CNTN4: variants seen among roughly 807,000 people sequenced by gnomAD.
CNTN4 encodes the protein contactin 4, also known as contactin-4.
Under a neutral mutation model 122.5 loss-of-function variants are expected in CNTN4, and 77 were observed. The ratio of observed to expected loss-of-function variants is 0.63; its 90% CI spans 0.52 to 0.76. The LOEUF (loss-of-function observed/expected upper bound fraction) is 0.76, where lower values mean the gene tolerates loss of function less well. Among genes scored for constraint, CNTN4 ranks in the 30% least tolerant of loss-of-function variants. CNTN4 has a pLI of 0.00. For missense variants in CNTN4, 1,256 were observed against 1,259.1 expected, an observed-to-expected ratio of 1.00 and a Z score of 0.04; for synonymous variants, 512 against 447.0, an observed-to-expected ratio of 1.15 and a Z score of -1.83.
intron 2 of CNTN4, among the ~76,000 whole-genome samples, chr3:2,327,846 G>A (rs1156234917): frequency 6.6e-6 from 1 of 152,084 alleles, no homozygotes; most frequent in Non-Finnish European, 1.5e-5. Context: ...CAGTGTTCAG[G>A]ACTCATTACC....
At chr3:2,392,190 A>G (rs756601703) in intron 3 of CNTN4, among the ~76,000 whole-genome samples, 1 of 152,176 alleles carries the variant, frequency 6.6e-6, no homozygotes, top group Non-Finnish European at 1.5e-5. Context: ...AGGAAAAGTT[A>G]GTGTCAAGAA....
At chr3:2,737,924 T>A (rs4685544) in intron 5 of CNTN4, among the ~76,000 whole-genome samples, 88,064 of 151,724 alleles carry the variant, frequency 0.58, 28,441 homozygotes, top group Non-Finnish European at 0.74. Flanking sequence ...GCAGATGAAA[T>A]ACAACCGAAA....
At chr3:2,615,791 A>G (rs1559307672) in intron 4 of CNTN4, among the ~76,000 whole-genome samples, 1 of 152,152 alleles carries the variant, frequency 6.6e-6, no homozygotes, top group Non-Finnish European at 1.5e-5. Flanking sequence ...GAGGCTAGAT[A>G]TACCTAGCCT....
At chr3:2,921,509 T>A (rs2094429823) in intron 12 of CNTN4, among the ~76,000 whole-genome samples, 1 of 152,250 alleles carries the variant, frequency 6.6e-6, no homozygotes, top group African/African-American at 2.4e-5. Flanking sequence ...TTTGAATTAA[T>A]GCATTTACTC....
chr3:2,650,635 C>T (rs1357052565), intron 4 of CNTN4, among the ~76,000 whole-genome samples: 1 of 152,204 alleles, frequency 6.6e-6, no homozygotes, highest in Non-Finnish European at 1.5e-5. Context: ...CCTTCAGCAA[C>T]ATCCACCCTG....
In CNTN4 at chr3:3,037,311, G is replaced by A. The variant is rs548348880; in HGVS notation, c.2075G>A (p.Arg692Gln). Residue 692 changes from arginine to glutamine, a missense_variant, in exon 18 of 25, where the codon CGG becomes CAG. Physicochemically the swap from Arg to Gln is conservative, Grantham distance 43. Transcript: ENST00000418658. ...IGEPSRPSEKRRTEEALPEVT... is the reference protein window; with the variant it reads ...IGEPSRPSEKQRTEEALPEVT... ...GAGCCCAGCCGCCCCTCAGAGAAAC[G>A]GAGAACAGAAGAAGCTCGTGAGTAG... is the stretch of plus-strand genomic sequence containing the variant. 34 of 1,614,110 alleles carry A rather than the reference G, an allele frequency of 2.1e-5. No individual in the cohort carries two copies. Among genetic ancestry groups the A allele is most frequent in the Admixed American group, 1.0e-4 (6 of 60,018 alleles).
intron 13 of CNTN4, among the ~76,000 whole-genome samples, chr3:2,961,086 C>T (rs182413746): frequency 0.056 from 7,979 of 141,492 alleles, 550 homozygotes; most frequent in Non-Finnish European, 0.08. Flanking sequence ...AAAAATTAGC[C>T]GGGCGTGGTG....
chr3:2,299,018 C>CAG (rs4057757), intron 2 of CNTN4, among the ~76,000 whole-genome samples: 148,281 of 152,204 alleles, frequency 0.97, 72,373 homozygotes, highest in East Asian at 1. Flanking sequence ...TTTCACCTGT[C>CAG]GGGGGGTTTT....
chr3:2,843,162 T>G (rs889568731), intron 7 of CNTN4, among the ~76,000 whole-genome samples: 1 of 152,218 alleles, frequency 6.6e-6, no homozygotes, highest in African/African-American at 2.4e-5. Context: ...TTCCTAAATC[T>G]TATTCTCCTA....
chr3:2,186,456 T>C (rs1216094665), intron 2 of CNTN4, among the ~76,000 whole-genome samples: 1 of 152,236 alleles, frequency 6.6e-6, no homozygotes, highest in Non-Finnish European at 1.5e-5. Flanking sequence ...ATTAATGGGA[T>C]GGCTGGGTCA....
At chr3:2,974,578 T>C (rs116244080) in intron 13 of CNTN4, among the ~76,000 whole-genome samples, 1,599 of 152,278 alleles carry the variant, frequency 0.011, 32 homozygotes, top group African/African-American at 0.036. Flanking sequence ...AGGCAAAGAT[T>C]TAGGCTGTCT....
chr3:2,441,212 G>A (rs555778381), intron 3 of CNTN4, among the ~76,000 whole-genome samples: 10 of 152,200 alleles, frequency 6.6e-5, no homozygotes, highest in African/African-American at 2.4e-4. Context: ...AATAAAAGAA[G>A]TGAAAACATT....
At chr3:2,170,649 G>C (rs1344622288) in intron 2 of CNTN4, among the ~76,000 whole-genome samples, 3 of 152,076 alleles carry the variant, frequency 2.0e-5, no homozygotes, top group Non-Finnish European at 2.9e-5. Flanking sequence ...ACCTAAATTT[G>C]ATTTGGAGAA....
At chr3:2,445,674 A>G (rs2048599748) in intron 3 of CNTN4, among the ~76,000 whole-genome samples, 1 of 152,176 alleles carries the variant, frequency 6.6e-6, no homozygotes, top group South Asian at 2.1e-4. Flanking sequence ...TATTATATTA[A>G]TAGTAATTCA....
At chr3:2,427,478 T>A (rs550449058) in intron 3 of CNTN4, among the ~76,000 whole-genome samples, 15 of 152,296 alleles carry the variant, frequency 9.8e-5, no homozygotes, top group African/African-American at 3.4e-4. Flanking sequence ...TGCTGAGGAG[T>A]TCTTTACTTC....
intron 3 of CNTN4, among the ~76,000 whole-genome samples, chr3:2,430,291 G>A (rs1385349020): frequency 2.6e-5 from 4 of 151,866 alleles, no homozygotes; most frequent in South Asian, 4.2e-4. Flanking sequence ...GCGTGGTGGC[G>A]GGCGCCTGTA....
chr3:2,389,353 C>T (rs1003225029), intron 3 of CNTN4, among the ~76,000 whole-genome samples: 40 of 139,788 alleles, frequency 2.9e-4, no homozygotes, highest in Middle Eastern at 3.6e-3. Flanking sequence ...ATGTTGTTCT[C>T]GGAGAAACCT....
At chr3:3,001,541 A>G (rs936751150) in intron 14 of CNTN4, among the ~76,000 whole-genome samples, 3 of 152,204 alleles carry the variant, frequency 2.0e-5, no homozygotes, top group Non-Finnish European at 2.9e-5. Flanking sequence ...AGAGTGTTTA[A>G]ACCTTTTAAA....
At chr3:2,708,107 G>T (rs2086851665) in intron 4 of CNTN4, among the ~76,000 whole-genome samples, 1 of 152,118 alleles carries the variant, frequency 6.6e-6, no homozygotes, top group South Asian at 2.1e-4. Context: ...AGGGTAGGAA[G>T]CTGATCAAAT....
Sources: gnomAD v4.1 joint callset for allele counts (sites outside exome capture counted in the v4.1 genomes callset) on GRCh38, gnomAD v4.1.1 for gene constraint, MANE v1.5 for transcripts, NCBI Gene and HGNC (gene_info 2026-07-23, HGNC 2026-07-21) for gene names.